The following ADAM22 variants were observed in gnomAD, a reference collection of about 807,000 sequenced individuals.
The protein encoded by ADAM22 is ADAM metallopeptidase domain 22, also known as disintegrin and metalloproteinase domain-containing protein 22.
In ADAM22, 65 loss-of-function variants were observed where a neutral mutation model predicts 144.6. That is an observed-to-expected ratio of 0.45 (90% CI 0.37 to 0.55). ADAM22 has a LOEUF of 0.55. Among genes scored for constraint, ADAM22 ranks in the 20% least tolerant of loss-of-function variants. The pLI is 0.00. For synonymous variants in ADAM22, 391 were observed against 412.6 expected (o/e 0.95, Z 0.63); for missense variants, 974 against 1,184.9 (o/e 0.82, Z 2.61).
At chr7:88,002,494 G>C (rs1471986022) in intron 3 of ADAM22, among the ~76,000 whole-genome samples, 1 of 152,158 alleles carries the variant, frequency 6.6e-6, no homozygotes, top group Non-Finnish European at 1.5e-5. Context: ...CAGCATCAGG[G>C]AATACGATGC....
chr7:87,964,667 AC>A, intron 2 of ADAM22: 1 of 430,746 alleles, frequency 2.3e-6, no homozygotes, highest in Admixed American at 2.8e-5. Context: ...ATCCCAGAAG[AC>A]CATATACCAG....
chr7:87,938,175 ATTTATGGCATT>A (rs766735620), intron 2 of ADAM22, among the ~76,000 whole-genome samples: 18 of 140,336 alleles, frequency 1.3e-4, no homozygotes, highest in Non-Finnish European at 2.3e-4. Context: ...AATAGTTCTA[ATTTATGGCATT>A]TTAATTTTAG....
At chr7:88,003,075 G>A (rs1262658987) in intron 3 of ADAM22, among the ~76,000 whole-genome samples, 1 of 152,170 alleles carries the variant, frequency 6.6e-6, no homozygotes, top group Non-Finnish European at 1.5e-5. Context: ...GTTGAAGCAG[G>A]GAAAATTATG....
At chr7:88,064,390 A>T (rs1810663821) in intron 3 of ADAM22, among the ~76,000 whole-genome samples, 1 of 152,188 alleles carries the variant, frequency 6.6e-6, no homozygotes, top group African/African-American at 2.4e-5. Flanking sequence ...ACCCTTGAGT[A>T]AATTACCTTT....
intron 9 of ADAM22, among the ~76,000 whole-genome samples, chr7:88,130,149 C>T (rs1462297863): frequency 6.6e-6 from 1 of 151,916 alleles, no homozygotes; most frequent in Non-Finnish European, 1.5e-5. Flanking sequence ...CTTCATCTCC[C>T]AGATGAATAA....
chr7:88,119,868 A>C (rs1218890678), intron 7 of ADAM22, among the ~76,000 whole-genome samples: 1 of 152,206 alleles, frequency 6.6e-6, no homozygotes, highest in Non-Finnish European at 1.5e-5. Context: ...AAAAGCAACT[A>C]TGCACGTTAT....
At chr7:87,955,186 G>T (rs528933628) in intron 2 of ADAM22, among the ~76,000 whole-genome samples, 1 of 152,206 alleles carries the variant, frequency 6.6e-6, no homozygotes, top group Non-Finnish European at 1.5e-5. Context: ...GAGGAACTGC[G>T]TTCCTTTGGA....
chr7:88,012,044 T>C (rs909959934), intron 3 of ADAM22, among the ~76,000 whole-genome samples: 34 of 152,102 alleles, frequency 2.2e-4, no homozygotes, highest in African/African-American at 7.5e-4. Context: ...TTTTCTTTTT[T>C]TTTTTTGTCC....
At position 88,196,600 on chromosome 7, in the gene ADAM22, A is replaced by G. The variant is rs1188191190; in HGVS notation, c.*109A>G. ...TATCTGCTCTTCAGACAATACGAAG[A>G]CCCTCTGAGATGCTACAGAGGAGAG... On this transcript the variant is annotated 3_prime_UTR_variant, in exon 32 of 32. Transcript: ENST00000413139. 1.8e-5 allele frequency: 22 copies of G among 1,219,050 alleles called. No homozygotes were observed. Among genetic ancestry groups the G allele is most frequent in the Non-Finnish European group, 2.7e-5 (22 of 829,634 alleles). The allele number at this position is 1,219,050 out of a possible 1,614,324, so 75.5% of individuals were successfully genotyped here.
At chr7:88,134,237 TTATTTTCAGCGA>T (rs1832493318) in intron 12 of ADAM22, 80 bp from the exon 13 acceptor site, 1 of 948,682 alleles carries the variant, frequency 1.1e-6, no homozygotes. Context: ...TAGAAATTAC[TTATTTTCAGCGA>T]TATTGTGACA....
chr7:88,155,110 G>T (rs972595343), intron 21 of ADAM22, among the ~76,000 whole-genome samples: 7 of 152,060 alleles, frequency 4.6e-5, no homozygotes, highest in Non-Finnish European at 1.0e-4. Flanking sequence ...AGCCTTTGTA[G>T]TTGGCAGTCT....
chr7:88,199,584 C>T lies in ADAM22; in HGVS notation c.*3093C>T, dbSNP rs898869104. 2 of 152,212 alleles carry T rather than the reference C, an allele frequency of 1.3e-5. No homozygotes were observed. The highest frequency in any genetic ancestry group is 2.9e-5 in the Non-Finnish European group (2 of 68,060). The allele number at this position is 152,212 out of a possible 1,614,324, so 9.4% of individuals were successfully genotyped here. The stretch of plus-strand genomic sequence containing the variant: ...CAGGCTGGAAATGATCCCCAGGGCA[C>T]ATGCAATCTGTGGAAAGGAATACAT... On this transcript the variant is annotated 3_prime_UTR_variant, in exon 32 of 32. Coordinates refer to ENST00000413139, the MANE Select transcript of ADAM22 (RefSeq NM_001324418.2).
chr7:88,118,605 A>G (rs1828406765), intron 7 of ADAM22, among the ~76,000 whole-genome samples: 1 of 151,302 alleles, frequency 6.6e-6, no homozygotes, highest in East Asian at 1.9e-4. Flanking sequence ...TTCCCTAAAG[A>G]CTTGACTGTA....
At chr7:87,977,082 C>T (rs2129448547) in intron 2 of ADAM22, among the ~76,000 whole-genome samples, 1 of 152,186 alleles carries the variant, frequency 6.6e-6, no homozygotes, top group Middle Eastern at 3.4e-3. Flanking sequence ...TTGAATGGTT[C>T]ATGAGGCTGA....
At chr7:88,062,804 A>T (rs1380368816) in intron 3 of ADAM22, among the ~76,000 whole-genome samples, 1 of 152,180 alleles carries the variant, frequency 6.6e-6, no homozygotes, top group African/African-American at 2.4e-5. Context: ...AGGGTTATTA[A>T]TTGACCTAAT....
intron 3 of ADAM22, among the ~76,000 whole-genome samples, chr7:88,070,855 C>T (rs1421892955): frequency 2.0e-5 from 3 of 151,988 alleles, no homozygotes; most frequent in Non-Finnish European, 2.9e-5. Flanking sequence ...CCAGTGAATA[C>T]AGAAGTGAGA....
At chr7:88,153,119 T>C (rs1022092376) in intron 20 of ADAM22, 102 bp from the exon 21 acceptor site, 1 of 695,218 alleles carries the variant, frequency 1.4e-6, no homozygotes. Flanking sequence ...GATAACACTG[T>C]AGTGATGAAG....
intron 23 of ADAM22, 71 bp downstream of exon 23, chr7:88,163,251 T>C: frequency 7.8e-7 from 1 of 1,275,202 alleles, no homozygotes; most frequent in South Asian, 2.0e-5. Context: ...CTAAACTATT[T>C]ATTTTTCTTA....
chr7:88,168,221 G>T lies in ADAM22; in HGVS notation c.2276G>T (p.Gly759Val), dbSNP rs1434420832. Reference sequence around the variant, plus strand: ...CTCATATTAGGAATAACTGCGTGGGGTTATAAGTAAGTGAAATGTCTCAGT... The same window carrying T: ...CTCATATTAGGAATAACTGCGTGGGTTTATAAGTAAGTGAAATGTCTCAGT... ...LALILGITAW[G>V]YKNYREQRQL... Residue 759 changes from glycine to valine, a missense_variant, in exon 25 of 32, where the codon GGT (glycine) becomes GTT (valine). This residue lies in a region of ADAM22 where 734 missense variants were observed against 950.6 expected (regional missense o/e 0.77). Transcript: ENST00000413139. 2.5e-6 allele frequency: 4 copies of T among 1,612,420 alleles called. No homozygotes were observed. Among genetic ancestry groups the T allele is most frequent in the Non-Finnish European group, 3.4e-6 (4 of 1,178,984 alleles).
Sources: gnomAD v4.1 joint callset for allele counts (sites outside exome capture counted in the v4.1 genomes callset) on GRCh38, gnomAD v4.1.1 for gene constraint, gnomAD v4.1.1 regional missense constraint, MANE v1.5 for transcripts, NCBI Gene and HGNC (gene_info 2026-07-23, HGNC 2026-07-21) for gene names.